The following ZFYVE21 variants were observed in gnomAD, a reference collection of about 807,000 sequenced individuals.
The protein encoded by ZFYVE21 is zinc finger FYVE domain-containing protein 21.
ZFYVE21 carries 21 observed loss-of-function variants against 29.5 expected under a neutral mutation model. The ratio of observed to expected loss-of-function variants is 0.71; its 90% confidence interval spans 0.50 to 1.02. The LOEUF (loss-of-function observed/expected upper bound fraction) is 1.02. ZFYVE21 is among the 50% of genes least tolerant of loss of function. The pLI, the probability that ZFYVE21 is intolerant of heterozygous loss-of-function variation, is 0.00. For synonymous variants in ZFYVE21, 151 were observed against 133.8 expected (o/e 1.13, Z -0.89); for missense variants, 326 against 335.4 (o/e 0.97, Z 0.22).
chr14:103,725,830 A>G (rs569400620), intron 1 of ZFYVE21: 1 of 152,408 alleles, frequency 6.6e-6, no homozygotes, highest in South Asian at 2.1e-4. Context: ...CCGACCAAGC[A>G]TCTGAGGTGC....
At chr14:103,726,636 C>A in intron 1 of ZFYVE21, 156 bp from the exon 2 acceptor site, 2 of 913,880 alleles carry the variant, frequency 2.2e-6, no homozygotes, top group Non-Finnish European at 3.4e-6. Flanking sequence ...CACAGGCGGC[C>A]AGTCCACCGT....
At chr14:103,730,114 G>T (rs1241254328) in intron 5 of ZFYVE21, 2 of 478,778 alleles carry the variant, frequency 4.2e-6, no homozygotes, top group Non-Finnish European at 3.7e-6. Context: ...GTACCTGCCA[G>T]CCCTGAACAG....
chr14:103,728,822 G>A, intron 3 of ZFYVE21, 86 bp from the exon 4 acceptor site: 4 of 1,305,744 alleles, frequency 3.1e-6, no homozygotes, highest in Non-Finnish European at 4.4e-6. Context: ...TGTCCTCTGT[G>A]CGTGCGTCTC....
In ZFYVE21 at chr14:103,722,266, A is replaced by G. The variant is rs1325138856; in HGVS notation, c.139-4526A>G. Among the ~76,000 whole-genome samples the G allele has an allele frequency of 7.2e-5, 11 of 151,896 alleles. No individual in the cohort carries two copies. In the East Asian group the frequency reaches 2.1e-3, roughly 29 times the overall value. On this transcript the variant is annotated intron_variant, in intron 1 of 6. Coordinates refer to ENST00000311141, the MANE Select transcript of ZFYVE21 (RefSeq NM_024071.4). ...AATTACCTTATTTAAAAGCCTATACATCTAAGCTCCTTGGTTATTTTATAG... is the reference window on the plus strand; with the variant it reads ...AATTACCTTATTTAAAAGCCTATACGTCTAAGCTCCTTGGTTATTTTATAG...
chr14:103,728,004 C>T (rs1211776360), intron 3 of ZFYVE21, 90 bp downstream of exon 3: 1 of 1,383,902 alleles, frequency 7.2e-7, no homozygotes. Flanking sequence ...ACGGGGCGTT[C>T]TGCTTCTCTG....
chr14:103,726,873 G>A (rs772465184), intron 2 of ZFYVE21, 31 bp downstream of exon 2: 2 of 1,613,134 alleles, frequency 1.2e-6, no homozygotes, highest in Non-Finnish European at 1.7e-6. Context: ...GGGGGTGGTG[G>A]GAAGAGGGGA....
Position 103,729,038 on chromosome 14 carries a change from C to T in ZFYVE21, c.435-53C>T, listed in dbSNP as rs12432151. ...CAGCATTGTCACAGACCGGGAGCCT[C>T]GGTGGCACTGAGCCTGAGAATGACC... is the stretch of plus-strand genomic sequence containing the variant. On this transcript the variant is annotated intron_variant, in intron 4 of 6. Coordinates refer to ENST00000311141, the MANE Select transcript of ZFYVE21 (RefSeq NM_024071.4). 7,944 of 1,613,580 alleles carry T rather than the reference C, an allele frequency of 4.9e-3. 183 individuals carry two copies. In the African/African-American group the frequency reaches 0.058, roughly 12 times the overall value.
intron 5 of ZFYVE21, chr14:103,729,854 T>C: frequency 2.0e-6 from 3 of 1,536,100 alleles, no homozygotes; most frequent in Non-Finnish European, 2.6e-6. Flanking sequence ...AAGGTCAGCC[T>C]CTTCCTCCTC....
intron 2 of ZFYVE21, 108 bp downstream of exon 2, chr14:103,726,950 T>TTTTTTTTTTGG: frequency 2.1e-6 from 2 of 968,602 alleles, no homozygotes; most frequent in Non-Finnish European, 2.9e-6. Context: ...TATGGCTCGT[T>TTTTTTTTTTGG]TTTTTTTTTT....
At chr14:103,717,388 A>C (rs2083835788) in intron 1 of ZFYVE21, among the ~76,000 whole-genome samples, 1 of 152,258 alleles carries the variant, frequency 6.6e-6, no homozygotes, top group Non-Finnish European at 1.5e-5. Context: ...CGTAAGGAGC[A>C]CGTGAGAAAG....
rs2083996602 is a variant in ZFYVE21, at chr14:103,732,775, A to C, written c.669+13A>C. On this transcript the variant is annotated intron_variant, in intron 6 of 6. Coordinates refer to ENST00000311141, the MANE Select transcript of ZFYVE21 (RefSeq NM_024071.4). ...GGCCATGCACAAGGTACCTGAGCCC[A>C]GGCCAGGGAGGCTGGGCCCTTTGGC... The C allele has an allele frequency of 1.2e-6, 2 of 1,609,012 alleles. No individual in the cohort carries two copies. The highest frequency in any genetic ancestry group is 2.2e-5 in the South Asian group (2 of 90,472).
At chr14:103,719,490 G>A (rs1040162252) in intron 1 of ZFYVE21, among the ~76,000 whole-genome samples, 26 of 151,426 alleles carry the variant, frequency 1.7e-4, no homozygotes, top group African/African-American at 6.3e-4. Flanking sequence ...TAAGGGAATT[G>A]TGTTCCAGTT....
At chr14:103,728,182 C>CT (rs770862439) in intron 3 of ZFYVE21, 3 of 375,868 alleles carry the variant, frequency 8.0e-6, no homozygotes, top group Non-Finnish European at 1.4e-5. Flanking sequence ...CAGGCAGCAC[C>CT]TTCCTCCTTC....
At chr14:103,717,173 G>A (rs961743388) in intron 1 of ZFYVE21, among the ~76,000 whole-genome samples, 1 of 152,120 alleles carries the variant, frequency 6.6e-6, no homozygotes, top group Non-Finnish European at 1.5e-5. Flanking sequence ...AGCCATCACC[G>A]GTCACTGAGC....
chr14:103,729,915 T>G (rs1317179044), intron 5 of ZFYVE21: 4 of 1,510,360 alleles, frequency 2.6e-6, no homozygotes, highest in Non-Finnish European at 2.7e-6. Context: ...GCCACCTGGC[T>G]TCTGTCCACG....
Position 103,732,686 on chromosome 14 carries a change from A to G in ZFYVE21, c.593A>G (p.Gln198Arg). 2 of 1,613,104 alleles carry G rather than the reference A, an allele frequency of 1.2e-6. No homozygotes were observed. The highest frequency in any genetic ancestry group is 1.7e-6 in the Non-Finnish European group (2 of 1,179,664). The change falls in exon 6 of 7, where the codon CAG becomes CGG. Residue 198 changes from glutamine (Q) to arginine (R), a missense_variant. Gln to Arg is a conservative substitution (Grantham distance 43). Transcript: ENST00000311141. ...YTVPGTEGVT[Q>R]LKLTVVEDVT... Reference sequence around the variant, plus strand: ...GTGCCGGGGACGGAGGGTGTGACCCAGCTGAAGCTGACAGTGGTGGAGGAC... The same window carrying G: ...GTGCCGGGGACGGAGGGTGTGACCCGGCTGAAGCTGACAGTGGTGGAGGAC...
chr14:103,718,874 G>A (rs1348726407), intron 1 of ZFYVE21, among the ~76,000 whole-genome samples: 1 of 152,226 alleles, frequency 6.6e-6, no homozygotes, highest in African/African-American at 2.4e-5. Flanking sequence ...GCACGTGCGC[G>A]TCTGATCACG....
At chr14:103,723,037 G>A (rs1026941778) in intron 1 of ZFYVE21, among the ~76,000 whole-genome samples, 112 of 152,284 alleles carry the variant, frequency 7.4e-4, no homozygotes, top group African/African-American at 2.5e-3. Context: ...TTTCACCACC[G>A]TCTGCTGAGA....
chr14:103,727,613 G>C (rs535171841), intron 2 of ZFYVE21, 133 bp from the exon 3 acceptor site: 1 of 1,159,516 alleles, frequency 8.6e-7, no homozygotes, highest in Non-Finnish European at 1.2e-6. Flanking sequence ...GACAGGAGGT[G>C]CGCGTGTGCA....
Sources: gnomAD v4.1 joint callset for allele counts (sites outside exome capture counted in the v4.1 genomes callset) on GRCh38, gnomAD v4.1.1 for gene constraint, MANE v1.5 for transcripts, NCBI Gene and HGNC (gene_info 2026-07-23, HGNC 2026-07-21) for gene names.